GTPBP6: variants seen among roughly 807,000 people sequenced by gnomAD.
GTPBP6 encodes GTP binding protein 6.
In GTPBP6, 33 loss-of-function variants were observed where a neutral mutation model predicts 28.9. The ratio of observed to expected loss-of-function variants is 1.14; its 90% confidence interval spans 0.87 to 1.53. The LOEUF (loss-of-function observed/expected upper bound fraction) is 1.53, where lower values mean the gene tolerates loss of function less well. Ranked by LOEUF, GTPBP6 falls within the 40% of genes most tolerant of loss-of-function variation. The probability of loss-of-function intolerance (pLI) is 0.00; values close to 1 mark genes in which losing one functional copy is unlikely to be tolerated. For missense variants in GTPBP6, 507 were observed against 408.3 expected (o/e 1.24, Z -2.08); for synonymous variants, 231 against 192.7 (o/e 1.20, Z -1.65).
chrX:312,170 G>A (rs868338617), intron 6 of GTPBP6: 1 of 465,934 alleles, frequency 2.1e-6, no homozygotes, highest in African/African-American at 2.0e-5. Context: ...CGGTGCAGAC[G>A]AAGGGGACAT....
At chrX:307,234 T>G in intron 9 of GTPBP6, 126 bp downstream of exon 9, 1 of 805,304 alleles carries the variant, frequency 1.2e-6, no homozygotes. Flanking sequence ...CCCATTCATC[T>G]CGTCTGTACA....
intron 6 of GTPBP6, 137 bp from the exon 7 acceptor site, chrX:311,764 C>T (rs183746639): frequency 4.8e-5 from 34 of 708,322 alleles, no homozygotes; most frequent in Non-Finnish European, 6.1e-5. Context: ...CTGAGCTCCT[C>T]GGGCACCCCG....
intron 2 of GTPBP6, 85 bp downstream of exon 2, chrX:316,829 A>G (rs1270216559): frequency 2.0e-5 from 8 of 398,664 alleles, no homozygotes; most frequent in Non-Finnish European, 3.1e-5. Context: ...AGACCCCCGT[A>G]CTTCAGCATG....
At position 311,403 on chromosome X, in the gene GTPBP6, G is replaced by GGCTGAGTGGGTGTCCGAGGGC. The variant is rs1486581832; in HGVS notation, c.1125+15_1125+16insGCCCTCGGACACCCACTCAGC. The GGCTGAGTGGGTGTCCGAGGGC allele has an allele frequency of 6.3e-7, 1 of 1,592,730 alleles. No homozygotes were observed. Among genetic ancestry groups the GGCTGAGTGGGTGTCCGAGGGC allele is most frequent in the African/African-American group, 1.4e-5 (1 of 73,608 alleles). ...TGGGTGTCCGAGCACCCGATCCCCG[G>GGCTGAGTGGGTGTCCGAGGGC]CCGTCCCACGCTCACCGAGTGGGCC... On this transcript the variant is annotated intron_variant, in intron 7 of 9. Transcript: ENST00000326153.
chrX:311,866 T>C, intron 6 of GTPBP6: 2 of 602,416 alleles, frequency 3.3e-6, no homozygotes, highest in Non-Finnish European at 2.9e-6. Context: ...GATGGTGGTG[T>C]GGACGGGTGT....
exon 1 of GTPBP6, chrX:318,677 G>C (rs2124483315): frequency 5.1e-6 from 2 of 393,898 alleles, no homozygotes; most frequent in East Asian, 7.2e-5. Flanking sequence ...GGCCGACAGC[G>C]GCTAGCGCGC....
At chrX:307,692 AG>A in intron 8 of GTPBP6, 39 bp downstream of exon 8, 6 of 1,457,120 alleles carry the variant, frequency 4.1e-6, no homozygotes, top group South Asian at 2.9e-5. Flanking sequence ...CAGCGCGTGC[AG>A]GGGAAGGAGA....
At chrX:307,552 G>A in intron 8 of GTPBP6, 40 bp from the exon 9 acceptor site, 1 of 1,601,454 alleles carries the variant, frequency 6.2e-7, no homozygotes, top group Non-Finnish European at 8.5e-7. Flanking sequence ...CTCAGCGTCG[G>A]GGCGGCCGGA....
In GTPBP6 at chrX:312,290, G is replaced by A. The variant is rs374701493; in HGVS notation, c.916+476C>T. ...ACAAAGGGAACATTGTGGTGTACACGGGTGGATTATGTAGACGGGGTGGTG... is the reference window on the plus strand; with the variant it reads ...ACAAAGGGAACATTGTGGTGTACACAGGTGGATTATGTAGACGGGGTGGTG... On this transcript the variant is annotated intron_variant, in intron 6 of 9. Transcript: ENST00000326153. 105 of 433,312 alleles carry A rather than the reference G, an allele frequency of 2.4e-4. 1 individual carries two copies. The highest frequency in any genetic ancestry group is 1.6e-3 in the African/African-American group (73 of 44,354). 26.8% of individuals were successfully genotyped at this position (433,312 alleles called of 1,614,324 possible). A position where few individuals can be genotyped will look rare whatever the true frequency, so the allele number is the denominator to read the frequency against.
intron 6 of GTPBP6, 62 bp downstream of exon 6, chrX:312,704 G>T: frequency 6.6e-7 from 1 of 1,507,794 alleles, no homozygotes; most frequent in Non-Finnish European, 9.0e-7. Flanking sequence ...GCCCTCCCCC[G>T]GGCGAGTCCT....
At chrX:308,925 C>T (rs1192943232) in intron 7 of GTPBP6, among the ~76,000 whole-genome samples, 4 of 151,926 alleles carry the variant, frequency 2.6e-5, no homozygotes, top group African/African-American at 4.8e-5. Flanking sequence ...TTAGTAGAGA[C>T]GGGATTTCGC....
chrX:314,027 C>A (rs2070373217), intron 5 of GTPBP6, 123 bp downstream of exon 5: 4 of 804,230 alleles, frequency 5.0e-6, no homozygotes, highest in African/African-American at 3.4e-5. Context: ...TCAAATGCTA[C>A]CAGGAGACGG....
At chrX:308,010 G>A in intron 7 of GTPBP6, 130 bp from the exon 8 acceptor site, 1 of 786,730 alleles carries the variant, frequency 1.3e-6, no homozygotes, top group African/African-American at 1.8e-5. Flanking sequence ...ACGCCTGTGT[G>A]CAGGCCCCTC....
At chrX:311,366 C>A in intron 7 of GTPBP6, 53 bp downstream of exon 7, 1 of 1,322,710 alleles carries the variant, frequency 7.6e-7, no homozygotes, top group Non-Finnish European at 1.1e-6. Context: ...AGTGCCCAGC[C>A]CCCGTGCCGA....
At chrX:308,732 CTTTTTTTTTTTT>C (rs1164566238) in intron 7 of GTPBP6, among the ~76,000 whole-genome samples, 6 of 109,482 alleles carry the variant, frequency 5.5e-5, no homozygotes, top group South Asian at 3.2e-4. Flanking sequence ...GAAAGTTTTA[CTTTTTTTTTTTT>C]TTTTTTTTTG....
chrX:314,075 G>C (rs1490778079), intron 5 of GTPBP6, 75 bp downstream of exon 5: 3 of 1,142,082 alleles, frequency 2.6e-6, no homozygotes, highest in East Asian at 4.8e-5. Context: ...GAATCTTCCA[G>C]GGCTGAGAAG....
At chrX:314,106 G>T in intron 5 of GTPBP6, 44 bp downstream of exon 5, 1 of 1,456,498 alleles carries the variant, frequency 6.9e-7, no homozygotes, top group Non-Finnish European at 9.5e-7. Flanking sequence ...GCTGACAACC[G>T]CATTCCGAGG....
rs181802744 is a variant in GTPBP6, at chrX:312,418, G to T, written c.916+348C>A. 520 of 529,336 alleles carry T rather than the reference G, an allele frequency of 9.8e-4. 4 individuals are homozygous for T. The highest frequency in any genetic ancestry group is 5.3e-3 in the South Asian group (348 of 65,166). 32.8% of individuals were successfully genotyped at this position (529,336 alleles called of 1,614,324 possible). On this transcript the variant is annotated intron_variant, in intron 6 of 9. Transcript: ENST00000326153. ...ATTGTGTAGACAGGGTGGTGGTATA[G>T]ATAGGGCAGTGGGGATGGTCTAGAC...
chrX:318,642 C>T, exon 1 of GTPBP6: 2 of 397,584 alleles, frequency 5.0e-6, no homozygotes, highest in Non-Finnish European at 8.9e-6. Flanking sequence ...GCCCCACGGC[C>T]CCTCCAGATT....
Sources: allele counts gnomAD v4.1 joint callset (sites outside exome capture counted in the v4.1 genomes callset), GRCh38; gene constraint gnomAD v4.1.1; transcripts MANE v1.5; gene names NCBI Gene and HGNC (gene_info 2026-07-23, HGNC 2026-07-21).